The following ADAMTS2 variants were observed in gnomAD, a reference collection of about 807,000 sequenced individuals.
The protein encoded by ADAMTS2 is A disintegrin and metalloproteinase with thrombospondin motifs 2.
In ADAMTS2, 50 loss-of-function variants were observed where a neutral mutation model predicts 123.0. That is an observed-to-expected ratio of 0.41 (90% CI 0.32 to 0.51). The LOEUF is 0.51. Among genes scored for constraint, ADAMTS2 ranks in the 20% least tolerant of loss-of-function variants. The pLI, the probability that ADAMTS2 is intolerant of heterozygous loss-of-function variation, is 0.35. For synonymous variants in ADAMTS2, 678 were observed against 695.4 expected (o/e 0.98, Z 0.39); for missense variants, 1,494 against 1,705.2 (o/e 0.88, Z 2.18).
intron 4 of ADAMTS2, among the ~76,000 whole-genome samples, chr5:179,183,596 T>G (rs1397194597): frequency 6.6e-6 from 1 of 152,174 alleles, no homozygotes; most frequent in Non-Finnish European, 1.5e-5. Flanking sequence ...CCCAGCTGTG[T>G]GTAGCAGATG....
chr5:179,304,954 A>G (rs1756631110), intron 2 of ADAMTS2, among the ~76,000 whole-genome samples: 2 of 152,184 alleles, frequency 1.3e-5, no homozygotes, highest in African/African-American at 4.8e-5. Context: ...AGTCAGAGAA[A>G]AACAGTGCAT....
At position 179,268,871 on chromosome 5, in the gene ADAMTS2, C is replaced by T. The variant is rs1253907718; in HGVS notation, c.688+4040G>A. ...TGTGCACTGCGTGGCCAGCCTTGTA[C>T]GTGAGGGCCATTCACATCCTGTAGC... On this transcript the variant is annotated intron_variant, in intron 3 of 21. Coordinates refer to ENST00000251582, the MANE Select transcript of ADAMTS2 (RefSeq NM_014244.5). 5.3e-5 allele frequency among the ~76,000 whole-genome samples: 8 copies of T among 152,224 alleles called. No individual in the cohort carries two copies. The East Asian group carries it at 9.6e-4, about 18-fold the overall frequency.
intron 18 of ADAMTS2, 37 bp from the exon 19 acceptor site, chr5:179,125,217 A>T: frequency 1.3e-6 from 2 of 1,598,510 alleles, no homozygotes; most frequent in Non-Finnish European, 1.7e-6. Context: ...AGGCTTCCGC[A>T]GCACCTGGAG....
Position 179,184,669 on chromosome 5 carries a change from T to C in ADAMTS2, c.892-3514A>G, listed in dbSNP as rs578081377. Among the ~76,000 whole-genome samples the C allele has an allele frequency of 3.1e-3, 474 of 152,258 alleles. 6 individuals carry two copies. Among genetic ancestry groups the C allele is most frequent in the Non-Finnish European group, 4.5e-3 (307 of 68,016 alleles). On this transcript the variant is annotated intron_variant, in intron 4 of 21. Coordinates refer to ENST00000251582, the MANE Select transcript of ADAMTS2 (RefSeq NM_014244.5). ...GGGACTTCTCAAACTAAACTGACCCTGGCCTCTTGTGCAGCCCACCACACC... is the reference window on the plus strand; with the variant it reads ...GGGACTTCTCAAACTAAACTGACCCCGGCCTCTTGTGCAGCCCACCACACC...
intron 10 of ADAMTS2, among the ~76,000 whole-genome samples, chr5:179,147,281 GT>G (rs945309030): frequency 4.6e-5 from 7 of 152,096 alleles, no homozygotes; most frequent in Non-Finnish European, 8.8e-5. Flanking sequence ...TAGAGATGGG[GT>G]TTCACCATGT....
At chr5:179,122,807 TC>T in intron 19 of ADAMTS2, 34 bp from the exon 20 acceptor site, 1 of 1,551,526 alleles carries the variant, frequency 6.4e-7, no homozygotes, top group Non-Finnish European at 8.7e-7. Flanking sequence ...AGGGTTCACC[TC>T]CCACACAGGG....
intron 10 of ADAMTS2, among the ~76,000 whole-genome samples, chr5:179,148,524 A>C (rs1444103776): frequency 2.6e-5 from 4 of 152,160 alleles, no homozygotes; most frequent in African/African-American, 7.2e-5. Flanking sequence ...ATCCCTGTGC[A>C]GTGCCTCACT....
chr5:179,227,218 C>G (rs1765311242), intron 3 of ADAMTS2, among the ~76,000 whole-genome samples: 1 of 152,148 alleles, frequency 6.6e-6, no homozygotes, highest in African/African-American at 2.4e-5. Flanking sequence ...GAGCTGAGTT[C>G]CAGGACAGCC....
intron 7 of ADAMTS2, 113 bp downstream of exon 7, chr5:179,154,701 A>G: frequency 1.2e-6 from 1 of 863,390 alleles, no homozygotes; most frequent in South Asian, 1.6e-5. Flanking sequence ...CCACACCCCA[A>G]GTGGCTTTGA....
intron 3 of ADAMTS2, among the ~76,000 whole-genome samples, chr5:179,217,197 GAAGTTT>G (rs1206316299): frequency 1.4e-4 from 22 of 152,248 alleles, no homozygotes; most frequent in African/African-American, 5.1e-4. Context: ...ACCAAGGTTA[GAAGTTT>G]GATATCTACA....
intron 19 of ADAMTS2, 74 bp downstream of exon 19, chr5:179,124,899 C>A (rs887272564): frequency 6.3e-6 from 10 of 1,593,730 alleles, no homozygotes; most frequent in Middle Eastern, 3.3e-4. Context: ...CTGAATGCAG[C>A]GCACGGAGCG....
chr5:179,246,121 A>T (rs1240578476), intron 3 of ADAMTS2, among the ~76,000 whole-genome samples: 1 of 152,342 alleles, frequency 6.6e-6, no homozygotes, highest in East Asian at 1.9e-4. Flanking sequence ...TTACTTGCTT[A>T]CCATTATCTT....
intron 4 of ADAMTS2, among the ~76,000 whole-genome samples, chr5:179,186,805 T>C (rs1764182513): frequency 7.6e-6 from 1 of 132,194 alleles, no homozygotes; most frequent in African/African-American, 3.0e-5. Context: ...AGACAGGCGG[T>C]AGGGCTCCCC....
In ADAMTS2 at chr5:179,153,528, C is replaced by T. The variant is rs758348587; in HGVS notation, c.1478G>A (p.Arg493His). The change falls in exon 9 of 22, where the codon CGC (arginine) becomes CAC (histidine). Residue 493 changes from arginine (R) to histidine (H), a missense_variant. Coordinates refer to ENST00000251582, the MANE Select transcript of ADAMTS2 (RefSeq NM_014244.5). ...CATGTAGCCCAGGCCGAAGTCAAAG[C>T]GGCATTGCTCGTTCATGGAGTAGTG... is the stretch of plus-strand genomic sequence containing the variant. ...GLHYSMNEQC[R>H]FDFGLGYMMC... 20 of 1,610,876 alleles carry T rather than the reference C, an allele frequency of 1.2e-5. 1 individual carries two copies. Among genetic ancestry groups the T allele is most frequent in the Non-Finnish European group, 1.6e-5 (19 of 1,179,894 alleles).
At chr5:179,274,998 G>A (rs966737451) in intron 2 of ADAMTS2, among the ~76,000 whole-genome samples, 5 of 152,222 alleles carry the variant, frequency 3.3e-5, no homozygotes, top group African/African-American at 1.2e-4. Context: ...CACATGCCAT[G>A]GCCGGGGAGG....
intron 4 of ADAMTS2, among the ~76,000 whole-genome samples, chr5:179,195,222 T>C (rs1764398315): frequency 1.3e-5 from 2 of 152,158 alleles, no homozygotes; most frequent in African/African-American, 4.8e-5. Context: ...TGAGGACAGC[T>C]CCCAATCCCA....
rs913111739 is a variant in ADAMTS2, at chr5:179,162,351, A to G, written c.976-3472T>C. ...ACCAAAGCGGGCCAAGGAGTAGGCA[A>G]GGTGTGAGGTGGGGGGCCTGCAGCG... On this transcript the variant is annotated intron_variant, in intron 5 of 21. Transcript: ENST00000251582. The surrounding 1 kb of genome is among the most constrained non-coding windows in gnomAD (Gnocchi z 5.1). Among the ~76,000 whole-genome samples, 1 of 152,130 alleles carries G rather than the reference A, an allele frequency of 6.6e-6. No individual in the cohort carries two copies. The highest frequency in any genetic ancestry group is 2.4e-5 in the African/African-American group (1 of 41,450).
rs925220371 is a variant in ADAMTS2, at chr5:179,178,001, C to T, written c.975+3071G>A. Among the ~76,000 whole-genome samples, 24 of 152,270 alleles carry T rather than the reference C, an allele frequency of 1.6e-4. No homozygotes were observed. The South Asian group carries it at 1.7e-3, about 11-fold the overall frequency. ...GAGCAACCTGGGGGAAAATGCAAGC[C>T]GCCACCTGGCACCCAGACCAATCAA... On this transcript the variant is annotated intron_variant, in intron 5 of 21. Coordinates refer to ENST00000251582, the MANE Select transcript of ADAMTS2 (RefSeq NM_014244.5).
At chr5:179,140,058 C>G in intron 10 of ADAMTS2, 23 bp from the exon 11 acceptor site, 1 of 1,613,734 alleles carries the variant, frequency 6.2e-7, no homozygotes, top group South Asian at 1.1e-5. Flanking sequence ...AAGCCAGTCC[C>G]TCCACTCACC....
Sources: gnomAD v4.1 joint callset for allele counts (sites outside exome capture counted in the v4.1 genomes callset) on GRCh38, gnomAD v4.1.1 for gene constraint, Gnocchi (gnomAD v3.1) non-coding constraint, MANE v1.5 for transcripts, NCBI Gene and HGNC (gene_info 2026-07-23, HGNC 2026-07-21) for gene names.